The following PCDHAC2 variants were observed in gnomAD, a reference collection of about 807,000 sequenced individuals.
The protein encoded by PCDHAC2 is protocadherin alpha-C2.
Under a neutral mutation model 63.3 loss-of-function variants are expected in PCDHAC2, and 24 were observed. The ratio of observed to expected loss-of-function variants is 0.38; its 90% CI spans 0.27 to 0.53. The LOEUF is 0.53. PCDHAC2 is among the 20% of genes least tolerant of loss of function. PCDHAC2 has a pLI of 0.81. For missense variants in PCDHAC2, 1,181 were observed against 1,275.2 expected (o/e 0.93, Z 1.12); for synonymous variants, 569 against 529.4 (o/e 1.07, Z -1.03).
intron 3 of PCDHAC2, among the ~76,000 whole-genome samples, chr5:141,002,682 G>C (rs536105955): frequency 6.6e-6 from 1 of 152,140 alleles, no homozygotes; most frequent in African/African-American, 2.4e-5. Context: ...CCTATACGAC[G>C]TGCAGATTTG....
In PCDHAC2 at chr5:140,979,019, C is replaced by T; in HGVS notation, c.2624+12C>T. On this transcript the variant is annotated intron_variant, in intron 2 of 3. Coordinates refer to ENST00000289269, the MANE Select transcript of PCDHAC2 (RefSeq NM_018899.6). ...GCAGGCATGCACAGGTATGTATTTC[C>T]CTCCTCATTCACTCAGAAGTAACCT... 1 of 1,613,662 alleles carries T rather than the reference C, an allele frequency of 6.2e-7. No individual in the cohort carries two copies. Among genetic ancestry groups the T allele is most frequent in the South Asian group, 1.1e-5 (1 of 90,910 alleles).
intron 1 of PCDHAC2, among the ~76,000 whole-genome samples, chr5:140,976,893 A>G (rs1240555240): frequency 2.0e-5 from 3 of 152,212 alleles, no homozygotes; most frequent in African/African-American, 7.2e-5. Context: ...GATACATGCA[A>G]CAGTATGTAA....
chr5:140,982,014 C>G lies in PCDHAC2; in HGVS notation c.2625-461C>G, dbSNP rs546904836. Among the ~76,000 whole-genome samples the G allele has an allele frequency of 3.3e-5, 5 of 152,270 alleles. No individual in the cohort carries two copies. The South Asian group carries it at 1.0e-3, about 32-fold the overall frequency. ...ATAAGGTTAAGAATTAATTAGATAG[C>G]CAAATTGGAACAATACTCCAATTAT... is the stretch of plus-strand genomic sequence containing the variant. On this transcript the variant is annotated intron_variant, in intron 2 of 3. Coordinates refer to ENST00000289269, the MANE Select transcript of PCDHAC2 (RefSeq NM_018899.6).
intron 3 of PCDHAC2, among the ~76,000 whole-genome samples, chr5:140,994,922 G>A (rs184710391): frequency 4.6e-5 from 7 of 152,342 alleles, no homozygotes; most frequent in African/African-American, 9.6e-5. Context: ...ATCAGATTTT[G>A]TAGGACCTTA....
At chr5:140,976,894 CAGT>C (rs1199753516) in intron 1 of PCDHAC2, among the ~76,000 whole-genome samples, 1 of 152,132 alleles carries the variant, frequency 6.6e-6, no homozygotes, top group African/African-American at 2.4e-5. Context: ...ATACATGCAA[CAGT>C]ATGTAATAAA....
At chr5:140,975,364 C>G (rs2096664243) in intron 1 of PCDHAC2, among the ~76,000 whole-genome samples, 1 of 152,204 alleles carries the variant, frequency 6.6e-6, no homozygotes, top group South Asian at 2.1e-4. Flanking sequence ...TGCTACATAG[C>G]ATAATGTAAT....
chr5:141,011,247 G>A lies in PCDHAC2; in HGVS notation c.*1310G>A, dbSNP rs1554263390. On this transcript the variant is annotated 3_prime_UTR_variant, in exon 4 of 4. Transcript: ENST00000289269. The stretch of plus-strand genomic sequence containing the variant: ...TCTACTAATTCTGTGACTTGTCTTG[G>A]TGTGCTAGCCTACACCTTCTCTTTG... The A allele has an allele frequency of 2.0e-5, 3 of 153,772 alleles. No individual in the cohort carries two copies. The highest frequency in any genetic ancestry group is 7.2e-5 in the African/African-American group (3 of 41,538). The allele number at this position is 153,772 out of a possible 1,614,324, so 9.5% of individuals were successfully genotyped here.
chr5:140,972,700 T>C (rs1353443535), intron 1 of PCDHAC2, among the ~76,000 whole-genome samples: 3 of 147,702 alleles, frequency 2.0e-5, no homozygotes, highest in African/African-American at 7.5e-5. Context: ...AGTCTCACTC[T>C]GTTGCCAGGC....
chr5:140,993,783 T>C (rs1402072576), intron 3 of PCDHAC2, among the ~76,000 whole-genome samples: 2 of 152,230 alleles, frequency 1.3e-5, no homozygotes, highest in East Asian at 3.9e-4. Flanking sequence ...TTTTGTACAG[T>C]AACATGCTGT....
At chr5:140,992,236 G>A (rs1431521103) in intron 3 of PCDHAC2, among the ~76,000 whole-genome samples, 1 of 152,168 alleles carries the variant, frequency 6.6e-6, no homozygotes, top group African/African-American at 2.4e-5. Context: ...GAAGAGTAAG[G>A]AAGGAAGTAG....
chr5:140,995,812 G>A (rs2097699173), intron 3 of PCDHAC2, among the ~76,000 whole-genome samples: 1 of 152,202 alleles, frequency 6.6e-6, no homozygotes, highest in Non-Finnish European at 1.5e-5. Flanking sequence ...TTTCTGAAGG[G>A]AGATAGCCTG....
intron 3 of PCDHAC2, among the ~76,000 whole-genome samples, chr5:140,995,389 G>T (rs1377788418): frequency 6.6e-6 from 1 of 152,190 alleles, no homozygotes; most frequent in Non-Finnish European, 1.5e-5. Context: ...GCAGGATAAA[G>T]CGGGATGGCT....
At chr5:141,006,996 G>T (rs1206587874) in intron 3 of PCDHAC2, among the ~76,000 whole-genome samples, 2 of 152,136 alleles carry the variant, frequency 1.3e-5, no homozygotes, top group African/African-American at 4.8e-5. Flanking sequence ...TAAAATATAA[G>T]TCTGCATCTC....
At chr5:141,008,745 G>A (rs759690147) in intron 3 of PCDHAC2, among the ~76,000 whole-genome samples, 5 of 152,200 alleles carry the variant, frequency 3.3e-5, no homozygotes, top group Non-Finnish European at 7.3e-5. Context: ...TGAGCACACT[G>A]AGGGAAGGAA....
intron 3 of PCDHAC2, among the ~76,000 whole-genome samples, chr5:141,007,033 T>C (rs1357363669): frequency 6.6e-6 from 1 of 152,120 alleles, no homozygotes; most frequent in Non-Finnish European, 1.5e-5. Flanking sequence ...GGTATTTATA[T>C]CTATGGATAT....
intron 1 of PCDHAC2, among the ~76,000 whole-genome samples, chr5:140,977,937 T>C (rs1264352481): frequency 5.3e-5 from 8 of 152,162 alleles, no homozygotes; most frequent in African/African-American, 1.9e-4. Flanking sequence ...TATACCTCAA[T>C]ATTCAGTGAC....
Position 140,967,140 on chromosome 5 carries a change from C to T in PCDHAC2, c.374C>T (p.Ala125Val), listed in dbSNP as rs781814682. Reference protein sequence around the residue: ...PRCLLSLEVLAHNPVAVSAVE... With the variant: ...PRCLLSLEVLVHNPVAVSAVE... ...TGCCTGCTCAGCTTGGAAGTGCTGG[C>T]GCACAACCCCGTGGCGGTGAGCGCC... The change falls in exon 1 of 4, where the codon GCG becomes GTG. Residue 125 changes from alanine to valine, a missense_variant. By Grantham distance (64) the Ala-to-Val change is moderately conservative. Around this residue, in one of 3 missense-constraint regions of PCDHAC2, gnomAD observed 210 missense variants for 184.9 expected, o/e 1.14. Coordinates refer to ENST00000289269, the MANE Select transcript of PCDHAC2 (RefSeq NM_018899.6). The T allele has an allele frequency of 2.5e-6, 4 of 1,611,022 alleles. No homozygotes were observed. The highest frequency in any genetic ancestry group is 2.2e-5 in the East Asian group (1 of 44,776).
At chr5:140,983,807 G>A (rs1158459034) in intron 3 of PCDHAC2, among the ~76,000 whole-genome samples, 1 of 152,100 alleles carries the variant, frequency 6.6e-6, no homozygotes, top group African/African-American at 2.4e-5. Context: ...TGTGTAAAAG[G>A]TTTTTTCCCA....
In PCDHAC2 at chr5:140,969,221, C is replaced by T; in HGVS notation, c.2455C>T (p.Pro819Ser). ...YNTGAQTGPGPSGAQAAVTDS... is the reference protein window; with the variant it reads ...YNTGAQTGPGSSGAQAAVTDS... The stretch of plus-strand genomic sequence containing the variant: ...TACAGGGGCCCAGACAGGACCAGGG[C>T]CTTCGGGAGCCCAAGCAGCAGTGAC... Residue 819 changes from proline (P) to serine (S), a missense_variant, in exon 1 of 4, where the codon CCT becomes TCT. By Grantham distance (74) the Pro-to-Ser change is moderately conservative (BLOSUM62 -1). Around this residue, in one of 3 missense-constraint regions of PCDHAC2, gnomAD observed 968 missense variants for 1,073.5 expected, o/e 0.90. Transcript: ENST00000289269. 1.2e-6 allele frequency: 2 copies of T among 1,614,158 alleles called. No individual in the cohort carries two copies. The highest frequency in any genetic ancestry group is 1.7e-6 in the Non-Finnish European group (2 of 1,180,042).
Sources: gnomAD v4.1 joint callset for allele counts (sites outside exome capture counted in the v4.1 genomes callset) on GRCh38, gnomAD v4.1.1 for gene constraint, gnomAD v4.1.1 regional missense constraint, MANE v1.5 for transcripts, NCBI Gene and HGNC (gene_info 2026-07-23, HGNC 2026-07-21) for gene names.